The following ANGPT1 variants were observed in gnomAD, a reference collection of about 807,000 sequenced individuals.
ANGPT1 encodes angiopoietin-1.
Under a neutral mutation model 62.2 loss-of-function variants are expected in ANGPT1, and 17 were observed. The ratio of observed to expected loss-of-function variants is 0.27; its 90% CI spans 0.19 to 0.41. The LOEUF is 0.41. ANGPT1 is among the 10% of genes least tolerant of loss of function. The pLI is 1.00. For missense variants in ANGPT1, 478 were observed against 594.9 expected, an observed-to-expected ratio of 0.80 and a Z score of 2.04; for synonymous variants, 199 against 198.9, an observed-to-expected ratio of 1.00 and a Z score of 0.00.
At position 107,497,630 on chromosome 8, in the gene ANGPT1, C is replaced by T; in HGVS notation, c.-72G>A. 6.9e-7 allele frequency: 1 copy of T among 1,455,932 alleles called. No individual in the cohort carries two copies. The highest frequency in any genetic ancestry group is 1.4e-5 in the South Asian group (1 of 71,180). The allele number at this position is 1,455,932 out of a possible 1,614,324, so 90.2% of individuals were successfully genotyped here. Reference sequence around the variant, plus strand: ...TTTCTTCTGACCTCTAAAACTAGTTCTTTATTTCAGGTAAAACTGCTTGTT... The same window carrying T: ...TTTCTTCTGACCTCTAAAACTAGTTTTTTATTTCAGGTAAAACTGCTTGTT... On this transcript the variant is annotated 5_prime_UTR_variant, in exon 1 of 9. Coordinates refer to ENST00000517746, the MANE Select transcript of ANGPT1 (RefSeq NM_001146.5).
chr8:107,297,983 A>G (rs1263653915), intron 5 of ANGPT1, among the ~76,000 whole-genome samples: 1 of 151,928 alleles, frequency 6.6e-6, no homozygotes, highest in African/African-American at 2.4e-5. Context: ...GGTCTGTGCT[A>G]TCTGGCAGTG....
chr8:107,329,990 A>G (rs1815383318), intron 3 of ANGPT1, among the ~76,000 whole-genome samples: 1 of 152,120 alleles, frequency 6.6e-6, no homozygotes, highest in Non-Finnish European at 1.5e-5. Flanking sequence ...CATAGGTCAT[A>G]ATGAGCAAAT....
chr8:107,465,819 T>C (rs1198340480), intron 1 of ANGPT1, among the ~76,000 whole-genome samples: 1 of 152,158 alleles, frequency 6.6e-6, no homozygotes, highest in Non-Finnish European at 1.5e-5. Context: ...ACCACTGTGG[T>C]TCTTCTGCCA....
chr8:107,304,111 T>G (rs1814659090), intron 4 of ANGPT1, among the ~76,000 whole-genome samples: 1 of 151,832 alleles, frequency 6.6e-6, no homozygotes, highest in African/African-American at 2.4e-5. Context: ...GACTTTGAAA[T>G]TAAATTATAC....
rs551978351 is a variant in ANGPT1, at chr8:107,336,527, T to TGGTAGCGGGCGC, written c.454-268_454-257dup. The TGGTAGCGGGCGC allele has an allele frequency of 2.4e-5, 8 of 328,054 alleles. No individual in the cohort carries two copies. In the South Asian group the frequency reaches 2.5e-4, roughly 10 times the overall value. 20.3% of individuals were successfully genotyped at this position (328,054 alleles called of 1,614,324 possible). A position where few individuals can be genotyped will look rare whatever the true frequency, so the allele number is the denominator to read the frequency against. Reference sequence around the variant, plus strand: ...AAAAATACAAAAACTTAGCCGGGCGTGGTAGCGGGCGCCTGTAGTCCCAGC... The same window carrying TGGTAGCGGGCGC: ...AAAAATACAAAAACTTAGCCGGGCGTGGTAGCGGGCGCGGTAGCGGGCGCCTGTAGTCCCAGC... On this transcript the variant is annotated intron_variant, in intron 2 of 8. Transcript: ENST00000517746.
Position 107,251,668 on chromosome 8 carries a change from T to A in ANGPT1, c.*187A>T. The A allele has an allele frequency of 1.5e-6, 1 of 667,408 alleles. No homozygotes were observed. Among genetic ancestry groups the A allele is most frequent in the Non-Finnish European group, 2.5e-6 (1 of 407,424 alleles). 41.3% of individuals were successfully genotyped at this position (667,408 alleles called of 1,614,324 possible). A position where few individuals can be genotyped will look rare whatever the true frequency, so the allele number is the denominator to read the frequency against. On this transcript the variant is annotated 3_prime_UTR_variant, in exon 9 of 9. Coordinates refer to ENST00000517746, the MANE Select transcript of ANGPT1 (RefSeq NM_001146.5). ...GCCACGTGAGCACTGTCACCCCAAG[T>A]AGAGACTCTTGTGAACTCAAACGGC...
At chr8:107,460,221 G>A (rs1812032278) in intron 1 of ANGPT1, among the ~76,000 whole-genome samples, 2 of 152,154 alleles carry the variant, frequency 1.3e-5, no homozygotes, top group Non-Finnish European at 1.5e-5. Context: ...GCATTTATAA[G>A]CACATTCTGT....
chr8:107,340,242 G>C (rs1815665763), intron 2 of ANGPT1, among the ~76,000 whole-genome samples: 1 of 152,006 alleles, frequency 6.6e-6, no homozygotes, highest in Admixed American at 6.6e-5. Context: ...TTTTAAATAA[G>C]AAGAAGGAAA....
At chr8:107,431,159 TGAGA>T (rs781334197) in intron 1 of ANGPT1, among the ~76,000 whole-genome samples, 1 of 152,174 alleles carries the variant, frequency 6.6e-6, no homozygotes. Context: ...CATGTGTGTG[TGAGA>T]GAGAGACAGT....
intron 1 of ANGPT1, among the ~76,000 whole-genome samples, chr8:107,400,900 A>G (rs1430460417): frequency 1.3e-5 from 2 of 152,020 alleles, no homozygotes. Flanking sequence ...AAAGATTTAC[A>G]CTAGATCATG....
chr8:107,444,258 C>T (rs1257216215), intron 1 of ANGPT1, among the ~76,000 whole-genome samples: 1 of 152,112 alleles, frequency 6.6e-6, no homozygotes, highest in East Asian at 1.9e-4. Flanking sequence ...GGCTCAGATA[C>T]CTAGGGGAAA....
chr8:107,366,149 C>T (rs1435285866), intron 1 of ANGPT1, among the ~76,000 whole-genome samples: 34 of 152,120 alleles, frequency 2.2e-4, no homozygotes, highest in Non-Finnish European at 3.7e-4. Context: ...ACTATATGCC[C>T]AGTAATGTGC....
At chr8:107,459,592 T>C (rs951333623) in intron 1 of ANGPT1, among the ~76,000 whole-genome samples, 2 of 152,214 alleles carry the variant, frequency 1.3e-5, no homozygotes, top group Non-Finnish European at 2.9e-5. Context: ...ATACCCTATA[T>C]GCCCTACTAG....
chr8:107,403,288 G>A (rs1817081929), intron 1 of ANGPT1, among the ~76,000 whole-genome samples: 1 of 152,272 alleles, frequency 6.6e-6, no homozygotes, highest in African/African-American at 2.4e-5. Context: ...AAGGAGGAAA[G>A]CCTGTTCCTG....
chr8:107,357,055 GTTCTACAT>G (rs541788301), intron 1 of ANGPT1, among the ~76,000 whole-genome samples: 47 of 152,096 alleles, frequency 3.1e-4, no homozygotes, highest in Non-Finnish European at 6.0e-4. Context: ...CATGTGTCCA[GTTCTACAT>G]TCATGCTTTG....
chr8:107,317,656 A>T (rs1234454461), intron 4 of ANGPT1, among the ~76,000 whole-genome samples: 1 of 146,892 alleles, frequency 6.8e-6, no homozygotes, highest in Non-Finnish European at 1.5e-5. Context: ...TTTGAGACAG[A>T]GTCTTACTCT....
intron 5 of ANGPT1, chr8:107,295,560 G>GAGAC (rs1814392691): frequency 6.6e-6 from 1 of 152,030 alleles, no homozygotes; most frequent in African/African-American, 2.4e-5. Flanking sequence ...TAGAATTAAG[G>GAGAC]AGACAGAGTT....
chr8:107,397,651 C>T lies in ANGPT1; in HGVS notation c.298-50554G>A, dbSNP rs543622770. Among the ~76,000 whole-genome samples, 14 of 152,020 alleles carry T rather than the reference C, an allele frequency of 9.2e-5. 1 individual carries two copies. The highest frequency in any genetic ancestry group is 6.2e-4 in the South Asian group (3 of 4,828). On this transcript the variant is annotated intron_variant, in intron 1 of 8. Coordinates refer to ENST00000517746, the MANE Select transcript of ANGPT1 (RefSeq NM_001146.5). Reference sequence around the variant, plus strand: ...AACCTTAAGTAGGGACTGGGGAGACCGGGGAAGGTGGTCAAAAGAACCATT... The same window carrying T: ...AACCTTAAGTAGGGACTGGGGAGACTGGGGAAGGTGGTCAAAAGAACCATT...
chr8:107,287,137 T>C (rs1040673304), intron 6 of ANGPT1, among the ~76,000 whole-genome samples: 13 of 152,166 alleles, frequency 8.5e-5, no homozygotes, highest in African/African-American at 3.1e-4. Flanking sequence ...TTATACTCAA[T>C]GTGAATAAAG....
Sources: gnomAD v4.1 joint callset for allele counts (sites outside exome capture counted in the v4.1 genomes callset) on GRCh38, gnomAD v4.1.1 for gene constraint, MANE v1.5 for transcripts, NCBI Gene and HGNC (gene_info 2026-07-23, HGNC 2026-07-21) for gene names.